Variants in STK39 observed in about 807,000 individuals in gnomAD.
STK39 encodes the protein STE20/SPS1-related proline-alanine-rich protein kinase.
A neutral mutation model predicts 77.8 loss-of-function variants in STK39; 20 were observed. The observed-to-expected ratio is 0.26, with a 90% CI of 0.18 to 0.37. The LOEUF is 0.37. Ranked by LOEUF, STK39 falls within the 10% of genes least tolerant of loss-of-function variation. STK39 has a pLI of 1.00. For missense variants in STK39, 479 were observed against 656.5 expected (o/e 0.73, Z 2.95); for synonymous variants, 246 against 234.1 (o/e 1.05, Z -0.47).
chr2:168,190,594 G>T (rs1020965282), intron 1 of STK39, among the ~76,000 whole-genome samples: 1 of 152,024 alleles, frequency 6.6e-6, no homozygotes, highest in East Asian at 1.9e-4. Flanking sequence ...TATAAACTAG[G>T]GACTTCAATA....
At chr2:168,136,050 C>A (rs1687825850) in intron 8 of STK39, among the ~76,000 whole-genome samples, 1 of 149,106 alleles carries the variant, frequency 6.7e-6, no homozygotes. Flanking sequence ...TGAATAAAAT[C>A]CGGAAAGACT....
intron 16 of STK39, among the ~76,000 whole-genome samples, chr2:167,997,222 T>C (rs1683869091): frequency 6.6e-6 from 1 of 151,824 alleles, no homozygotes; most frequent in Admixed American, 6.6e-5. Flanking sequence ...AGGACAACAG[T>C]GGTTCAGTCA....
chr2:167,984,138 C>T (rs530028277), intron 16 of STK39, among the ~76,000 whole-genome samples: 37 of 152,232 alleles, frequency 2.4e-4, no homozygotes, highest in South Asian at 1.0e-3. Flanking sequence ...AGTTATTAAA[C>T]GAATTCTTAC....
intron 1 of STK39, among the ~76,000 whole-genome samples, chr2:168,187,799 A>T (rs745943475): frequency 3.3e-4 from 50 of 152,108 alleles, no homozygotes; most frequent in Non-Finnish European, 6.2e-4. Flanking sequence ...TACTTTTTTT[A>T]AAAAAATTAG....
intron 17 of STK39, chr2:167,964,422 G>A (rs191047974): frequency 8.6e-5 from 37 of 428,318 alleles, no homozygotes; most frequent in Admixed American, 7.5e-4. Context: ...TTATATGGCC[G>A]CTCTTAGTCA....
At chr2:168,247,075 A>T (rs1439693234) in intron 1 of STK39, among the ~76,000 whole-genome samples, 153 bp downstream of exon 1, 10 of 146,316 alleles carry the variant, frequency 6.8e-5, no homozygotes, top group South Asian at 2.1e-4. Context: ...AAAAAAAAAA[A>T]AAAAAAAAAA....
At chr2:167,966,090 A>C (rs1010466242) in intron 16 of STK39, among the ~76,000 whole-genome samples, 2 of 151,660 alleles carry the variant, frequency 1.3e-5, no homozygotes, top group Admixed American at 1.3e-4. Context: ...TTTTACCAAC[A>C]CTCCTCCCAT....
chr2:167,979,067 A>T (rs548894744), intron 16 of STK39, among the ~76,000 whole-genome samples: 48 of 152,278 alleles, frequency 3.2e-4, no homozygotes, highest in African/African-American at 1.1e-3. Context: ...CGGTTTGTTT[A>T]CATATTCACC....
chr2:168,123,826 G>A (rs1266903431), intron 10 of STK39, among the ~76,000 whole-genome samples: 2 of 143,422 alleles, frequency 1.4e-5, no homozygotes, highest in Non-Finnish European at 3.0e-5. Context: ...TGGAGATCAC[G>A]CCATTGCACT....
At chr2:168,157,139 G>C (rs1401857742) in intron 5 of STK39, among the ~76,000 whole-genome samples, 2 of 152,258 alleles carry the variant, frequency 1.3e-5, no homozygotes, top group East Asian at 3.9e-4. Flanking sequence ...TTTAGTCATG[G>C]GGTTTTCAGT....
chr2:167,955,407 G>A lies in STK39; in HGVS notation c.*89C>T. ...TGCTAGGAAATGGGAGTGAGGGGGT[G>A]GGAGGAAATGGGCAGAAAGAGGGAG... On this transcript the variant is annotated 3_prime_UTR_variant, in exon 18 of 18. Coordinates refer to ENST00000355999, the MANE Select transcript of STK39 (RefSeq NM_013233.3). 2.4e-6 allele frequency: 3 copies of A among 1,267,484 alleles called. No individual in the cohort carries two copies. Among genetic ancestry groups the A allele is most frequent in the Non-Finnish European group, 3.3e-6 (3 of 895,630 alleles). The allele number at this position is 1,267,484 out of a possible 1,614,324, so 78.5% of individuals were successfully genotyped here.
chr2:167,996,180 C>G (rs1839190), intron 16 of STK39, among the ~76,000 whole-genome samples: 62,450 of 151,932 alleles, frequency 0.41, 13,775 homozygotes, highest in African/African-American at 0.52. Flanking sequence ...TAAATTTAAT[C>G]TTTTAAATTT....
At chr2:168,138,947 T>C (rs555429830) in intron 7 of STK39, among the ~76,000 whole-genome samples, 1 of 152,302 alleles carries the variant, frequency 6.6e-6, no homozygotes, top group East Asian at 1.9e-4. Flanking sequence ...GTGGAAAGTG[T>C]AGAAAACTAC....
chr2:168,121,754 T>C (rs181879837), intron 10 of STK39, among the ~76,000 whole-genome samples: 54 of 152,342 alleles, frequency 3.5e-4, no homozygotes, highest in African/African-American at 1.2e-3. Flanking sequence ...CTTATTTACA[T>C]GACAATCACA....
chr2:168,083,392 T>G (rs1686289694), intron 10 of STK39, among the ~76,000 whole-genome samples: 1 of 152,216 alleles, frequency 6.6e-6, no homozygotes, highest in Non-Finnish European at 1.5e-5. Flanking sequence ...AAAAATCACT[T>G]CTTACTTCAT....
intron 12 of STK39, among the ~76,000 whole-genome samples, chr2:168,067,658 C>G (rs1338311681): frequency 6.6e-6 from 1 of 152,182 alleles, no homozygotes; most frequent in Non-Finnish European, 1.5e-5. Context: ...TGCATTCCTC[C>G]AAATGTCACC....
At chr2:168,053,131 T>C (rs911983766) in intron 14 of STK39, among the ~76,000 whole-genome samples, 1 of 152,254 alleles carries the variant, frequency 6.6e-6, no homozygotes, top group Non-Finnish European at 1.5e-5. Flanking sequence ...AACACCATTC[T>C]TGTACATTTA....
At chr2:168,174,626 G>A (rs1688910803) in intron 2 of STK39, among the ~76,000 whole-genome samples, 1 of 151,964 alleles carries the variant, frequency 6.6e-6, no homozygotes, top group African/African-American at 2.4e-5. Flanking sequence ...CTCACACTCA[G>A]GTATGAACAA....
intron 10 of STK39, among the ~76,000 whole-genome samples, chr2:168,084,721 C>A (rs555981524): frequency 2.6e-5 from 4 of 152,318 alleles, no homozygotes; most frequent in East Asian, 3.9e-4. Flanking sequence ...GAGAGATGAG[C>A]TAAAGAATAA....
Sources: allele counts gnomAD v4.1 joint callset (sites outside exome capture counted in the v4.1 genomes callset), GRCh38; gene constraint gnomAD v4.1.1; transcripts MANE v1.5; gene names NCBI Gene and HGNC (gene_info 2026-07-23, HGNC 2026-07-21).